ROBO1: variants seen among roughly 807,000 people sequenced by gnomAD.
ROBO1 encodes the protein roundabout homolog 1.
A neutral mutation model predicts 195.9 loss-of-function variants in ROBO1; 149 were observed. The observed-to-expected ratio is 0.76, with a 90% CI of 0.67 to 0.87. The LOEUF is 0.87. Ranked by LOEUF, ROBO1 falls within the 40% of genes least tolerant of loss-of-function variation. The pLI is 0.00. For missense variants in ROBO1, 1,933 were observed against 2,068.3 expected (o/e 0.93, Z 1.27); for synonymous variants, 816 against 733.2 (o/e 1.11, Z -1.82).
At position 78,597,787 on chromosome 3, in the gene ROBO1, G is replaced by T. The variant is rs147888141; in HGVS notation, c.*1126C>A. 2.5e-3 allele frequency: 388 copies of T among 152,416 alleles called. 1 individual carries two copies. The highest frequency in any genetic ancestry group is 8.9e-3 in the African/African-American group (371 of 41,464). The allele number at this position is 152,416 out of a possible 1,614,324, so 9.4% of individuals were successfully genotyped here. ...TCATGGCCCACAATAAAGTATGCAT[G>T]TTACTTCACCATCTGTCATTATTCA... On this transcript the variant is annotated 3_prime_UTR_variant, in exon 31 of 31. Transcript: ENST00000464233.
chr3:79,715,615 G>A (rs1450560827), intron 1 of ROBO1, among the ~76,000 whole-genome samples: 6 of 152,114 alleles, frequency 3.9e-5, no homozygotes, highest in African/African-American at 1.4e-4. Context: ...ACTTTATGGT[G>A]ATATGTACTT....
At chr3:78,897,315 A>G (rs1294681702) in intron 4 of ROBO1, among the ~76,000 whole-genome samples, 1 of 152,116 alleles carries the variant, frequency 6.6e-6, no homozygotes, top group African/African-American at 2.4e-5. Context: ...TCCTCCACCC[A>G]CACCCCACAG....
intron 2 of ROBO1, among the ~76,000 whole-genome samples, chr3:79,223,397 T>C (rs888058589): frequency 6.6e-6 from 1 of 152,160 alleles, no homozygotes; most frequent in Non-Finnish European, 1.5e-5. Flanking sequence ...CAACAGTATC[T>C]ATATTATTCG....
At chr3:79,028,660 T>C (rs1253428398) in intron 3 of ROBO1, among the ~76,000 whole-genome samples, 2 of 152,010 alleles carry the variant, frequency 1.3e-5, no homozygotes, top group African/African-American at 4.8e-5. Context: ...GAAGTTGCTT[T>C]GTAGAATGCT....
intron 2 of ROBO1, among the ~76,000 whole-genome samples, chr3:79,319,314 G>T (rs2033875739): frequency 6.6e-6 from 1 of 151,974 alleles, no homozygotes; most frequent in South Asian, 2.1e-4. Flanking sequence ...TGATAATATT[G>T]ATTAACATAT....
At chr3:79,324,560 G>A (rs933987652) in intron 2 of ROBO1, among the ~76,000 whole-genome samples, 2 of 152,070 alleles carry the variant, frequency 1.3e-5, no homozygotes, top group Non-Finnish European at 2.9e-5. Context: ...AGTTCTGGAA[G>A]AGATTACTTA....
At chr3:78,954,517 AG>A (rs1053351635) in intron 3 of ROBO1, among the ~76,000 whole-genome samples, 43 of 152,230 alleles carry the variant, frequency 2.8e-4, no homozygotes, top group African/African-American at 9.9e-4. Flanking sequence ...AATATAATAT[AG>A]TAGCTTATTT....
chr3:79,716,934 T>C lies in ROBO1; in HGVS notation c.-51+50818A>G, dbSNP rs572131309. Among the ~76,000 whole-genome samples the C allele has an allele frequency of 3.9e-5, 6 of 152,132 alleles. No individual in the cohort carries two copies. In the South Asian group the frequency reaches 1.0e-3, roughly 26 times the overall value. ...CTATATAAATATTACCAGTGGAATA[T>C]ACAACTCAGAATTTTGAACAAAGAA... On this transcript the variant is annotated intron_variant, in intron 1 of 30. Transcript: ENST00000464233.
intron 4 of ROBO1, among the ~76,000 whole-genome samples, chr3:78,856,931 T>C (rs2034480290): frequency 6.6e-6 from 1 of 151,784 alleles, no homozygotes; most frequent in Non-Finnish European, 1.5e-5. Flanking sequence ...TAGGCCTATT[T>C]TTAATCTTTT....
At chr3:78,935,692 G>A (rs2039768097) in intron 4 of ROBO1, among the ~76,000 whole-genome samples, 1 of 151,932 alleles carries the variant, frequency 6.6e-6, no homozygotes, top group African/African-American at 2.4e-5. Flanking sequence ...GAGTTTTTAT[G>A]TCTTAAAAAC....
intron 2 of ROBO1, chr3:79,533,146 TG>T: frequency 2.4e-6 from 1 of 422,706 alleles, no homozygotes; most frequent in South Asian, 1.7e-5. Flanking sequence ...TTTTATAATA[TG>T]GAGGCTGCAG....
At chr3:79,585,916 C>T (rs1463767946) in intron 2 of ROBO1, among the ~76,000 whole-genome samples, 5 of 151,878 alleles carry the variant, frequency 3.3e-5, no homozygotes, top group African/African-American at 1.2e-4. Context: ...TTTTAAATGA[C>T]ATATATTTTC....
At chr3:78,979,238 G>C (rs1054708082) in intron 3 of ROBO1, among the ~76,000 whole-genome samples, 3 of 152,250 alleles carry the variant, frequency 2.0e-5, no homozygotes, top group Admixed American at 2.0e-4. Flanking sequence ...TGGTCACTGA[G>C]ATTAGGTCAA....
At chr3:78,737,276 C>T (rs143733764) in intron 5 of ROBO1, among the ~76,000 whole-genome samples, 7 of 152,266 alleles carry the variant, frequency 4.6e-5, no homozygotes, top group African/African-American at 1.7e-4. Context: ...TCTTCGTTCA[C>T]ATACATTTAT....
chr3:78,639,247 A>G (rs763312548), intron 22 of ROBO1, among the ~76,000 whole-genome samples: 2 of 152,044 alleles, frequency 1.3e-5, no homozygotes, highest in African/African-American at 2.4e-5. Flanking sequence ...ACGTGAGGCC[A>G]GGAGTTCGAG....
At position 78,884,940 on chromosome 3, in the gene ROBO1, T is replaced by C. The variant is rs531964089; in HGVS notation, c.499+53661A>G. ...ATCATGAAACTCAATTGCATTGCTT[T>C]GTACGAAGGCTGCATGTTTAAGTCC... On this transcript the variant is annotated intron_variant, in intron 4 of 30. Transcript: ENST00000464233. Among the ~76,000 whole-genome samples, 12 of 151,918 alleles carry C rather than the reference T, an allele frequency of 7.9e-5. No homozygotes were observed. In the South Asian group the frequency reaches 2.5e-3, roughly 32 times the overall value.
At chr3:79,270,791 T>G (rs901552630) in intron 2 of ROBO1, among the ~76,000 whole-genome samples, 1 of 151,924 alleles carries the variant, frequency 6.6e-6, no homozygotes, top group South Asian at 2.1e-4. Flanking sequence ...CTCTAAATAC[T>G]TCCCTGGCCA....
chr3:79,125,915 T>C (rs950117403), intron 2 of ROBO1, among the ~76,000 whole-genome samples: 2 of 152,074 alleles, frequency 1.3e-5, no homozygotes, highest in South Asian at 2.1e-4. Flanking sequence ...ATTTTCTACC[T>C]TATTGTTAAT....
intron 2 of ROBO1, among the ~76,000 whole-genome samples, chr3:79,409,025 T>C (rs2037665674): frequency 6.6e-6 from 1 of 152,078 alleles, no homozygotes; most frequent in African/African-American, 2.4e-5. Flanking sequence ...ATACAAAAAG[T>C]CTCCTTCATG....
Sources: gnomAD v4.1 joint callset for allele counts (sites outside exome capture counted in the v4.1 genomes callset) on GRCh38, gnomAD v4.1.1 for gene constraint, MANE v1.5 for transcripts, NCBI Gene and HGNC (gene_info 2026-07-23, HGNC 2026-07-21) for gene names.